Variants in PKNOX2 observed in about 807,000 individuals in gnomAD.
PKNOX2 encodes PBX/knotted 1 homeobox 2.
In PKNOX2, 14 loss-of-function variants were observed where a neutral mutation model predicts 53.1. The observed-to-expected ratio is 0.26, with a 90% CI of 0.17 to 0.41. PKNOX2 has a LOEUF of 0.41. Ranked by LOEUF, PKNOX2 falls within the 10% of genes least tolerant of loss-of-function variation. PKNOX2 has a pLI of 1.00. For missense variants in PKNOX2, 496 were observed against 602.8 expected, an observed-to-expected ratio of 0.82 and a Z score of 1.85; for synonymous variants, 257 against 242.8, an observed-to-expected ratio of 1.06 and a Z score of -0.54.
chr11:125,309,322 C>A (rs953829254), intron 2 of PKNOX2, among the ~76,000 whole-genome samples: 3 of 151,578 alleles, frequency 2.0e-5, no homozygotes, highest in Non-Finnish European at 4.4e-5. Flanking sequence ...TTTTTTCCCA[C>A]ATGACATGCT....
intron 10 of PKNOX2, among the ~76,000 whole-genome samples, chr11:125,416,830 C>T (rs937642162): frequency 6.6e-6 from 1 of 152,016 alleles, no homozygotes; most frequent in African/African-American, 2.4e-5. Context: ...TTCCCTGGGG[C>T]ATAAGTTTGT....
At chr11:125,414,539 G>T (rs1481810046) in intron 10 of PKNOX2, among the ~76,000 whole-genome samples, 1 of 152,158 alleles carries the variant, frequency 6.6e-6, no homozygotes, top group Non-Finnish European at 1.5e-5. Context: ...AGCAGACCCA[G>T]CTGTCCTTGG....
chr11:125,317,801 T>A (rs1204447366), intron 2 of PKNOX2, among the ~76,000 whole-genome samples: 1 of 152,236 alleles, frequency 6.6e-6, no homozygotes, highest in Admixed American at 6.5e-5. Flanking sequence ...AGTCACCAGC[T>A]GCATTGGCCA....
intron 1 of PKNOX2, among the ~76,000 whole-genome samples, chr11:125,177,077 T>C (rs1955765641): frequency 6.6e-6 from 1 of 152,170 alleles, no homozygotes; most frequent in South Asian, 2.1e-4. Flanking sequence ...GGGGTAGAAA[T>C]GACTCAGCCC....
chr11:125,428,922 C>A, intron 10 of PKNOX2, 90 bp from the exon 11 acceptor site: 1 of 1,392,426 alleles, frequency 7.2e-7, no homozygotes, highest in Non-Finnish European at 1.0e-6. Context: ...CTGCCTGGCT[C>A]AGGATAGTGC....
At chr11:125,241,789 A>G (rs919707878) in intron 2 of PKNOX2, among the ~76,000 whole-genome samples, 25 of 152,342 alleles carry the variant, frequency 1.6e-4, no homozygotes, top group Admixed American at 6.5e-4. Flanking sequence ...CAGGAGGTGG[A>G]GGTTGCAGTG....
chr11:125,394,090 T>C (rs557159597), intron 6 of PKNOX2, among the ~76,000 whole-genome samples: 1 of 152,328 alleles, frequency 6.6e-6, no homozygotes, highest in East Asian at 1.9e-4. Context: ...TGGAATGGGC[T>C]TAACACAGTG....
intron 2 of PKNOX2, among the ~76,000 whole-genome samples, chr11:125,310,848 T>C (rs933697616): frequency 6.6e-6 from 1 of 152,204 alleles, no homozygotes; most frequent in African/African-American, 2.4e-5. Context: ...TTGATGATTG[T>C]TGTCCTTGAA....
chr11:125,219,555 A>T (rs969366373), intron 1 of PKNOX2, among the ~76,000 whole-genome samples: 4 of 152,238 alleles, frequency 2.6e-5, no homozygotes. Context: ...CTAAAAATTA[A>T]CAACAACAAA....
chr11:125,243,623 CTTTTTTT>C (rs1284507032), intron 2 of PKNOX2, among the ~76,000 whole-genome samples: 3 of 138,454 alleles, frequency 2.2e-5, no homozygotes, highest in Non-Finnish European at 4.7e-5. Flanking sequence ...CTGGGACTTT[CTTTTTTT>C]TTTTTTTTTT....
chr11:125,254,795 A>G (rs1944287265), intron 2 of PKNOX2, among the ~76,000 whole-genome samples: 1 of 151,496 alleles, frequency 6.6e-6, no homozygotes, highest in Non-Finnish European at 1.5e-5. Context: ...AACATTGATG[A>G]CGGTGTCCAG....
At chr11:125,356,032 C>G (rs532827639) in intron 4 of PKNOX2, among the ~76,000 whole-genome samples, 12 of 144,040 alleles carry the variant, frequency 8.3e-5, no homozygotes, top group Admixed American at 1.4e-4. Context: ...TATCAGCACC[C>G]CCCCCCCCAC....
At chr11:125,297,843 G>A (rs1400809359) in intron 2 of PKNOX2, among the ~76,000 whole-genome samples, 18 of 152,214 alleles carry the variant, frequency 1.2e-4, no homozygotes, top group Admixed American at 1.1e-3. Context: ...GATGAGCCTG[G>A]TGCCCATCTT....
chr11:125,342,373 C>T (rs965147385), intron 3 of PKNOX2, among the ~76,000 whole-genome samples: 1 of 152,138 alleles, frequency 6.6e-6, no homozygotes, highest in African/African-American at 2.4e-5. Context: ...CCACCAGCCC[C>T]TGCTCCGGCC....
intron 10 of PKNOX2, among the ~76,000 whole-genome samples, chr11:125,418,313 G>A (rs1955996483): frequency 1.3e-5 from 2 of 152,062 alleles, no homozygotes; most frequent in Admixed American, 1.3e-4. Flanking sequence ...ATATTCCATG[G>A]TACAGATGTA....
In PKNOX2 at chr11:125,383,092, C is replaced by G. The variant is rs556326531; in HGVS notation, c.228-2459C>G. Among the ~76,000 whole-genome samples, 13 of 152,326 alleles carry G rather than the reference C, an allele frequency of 8.5e-5. 1 individual carries two copies. The highest frequency in any genetic ancestry group is 7.8e-4 in the Admixed American group (12 of 15,300). ...CAGGAATTTCTCTTTTCCTCCCCCA[C>G]CACCCCTGAGTCTGAGTAGAAAGAC... is the stretch of plus-strand genomic sequence containing the variant. On this transcript the variant is annotated intron_variant, in intron 5 of 12. Coordinates refer to ENST00000298282, the MANE Select transcript of PKNOX2 (RefSeq NM_001382323.2).
intron 2 of PKNOX2, among the ~76,000 whole-genome samples, chr11:125,252,957 C>A (rs1375260323): frequency 2.6e-5 from 4 of 152,212 alleles, no homozygotes; most frequent in Non-Finnish European, 4.4e-5. Flanking sequence ...GGCAACACAA[C>A]TCATACCAAG....
At chr11:125,429,703 G>A (rs1033441771) in intron 11 of PKNOX2, among the ~76,000 whole-genome samples, 3 of 152,158 alleles carry the variant, frequency 2.0e-5, no homozygotes, top group African/African-American at 7.2e-5. Flanking sequence ...CTCCTCCTCC[G>A]TTCAACCTGG....
rs1176086811 is a variant in PKNOX2, at chr11:125,431,024, A to G, written c.1193-142A>G. On this transcript the variant is annotated intron_variant, in intron 12 of 12. Coordinates refer to ENST00000298282, the MANE Select transcript of PKNOX2 (RefSeq NM_001382323.2). Reference sequence around the variant, plus strand: ...TGGATGGGAGACTTCATACCAGGGCATTGTCCAGCTCAGGCTTGGACAGCT... The same window carrying G: ...TGGATGGGAGACTTCATACCAGGGCGTTGTCCAGCTCAGGCTTGGACAGCT... The G allele has an allele frequency of 4.9e-6, 7 of 1,415,408 alleles. No homozygotes were observed. In the Admixed American group the frequency reaches 1.6e-4, roughly 33 times the overall value. The allele number at this position is 1,415,408 out of a possible 1,614,324, so 87.7% of individuals were successfully genotyped here.
Sources: allele counts gnomAD v4.1 joint callset (sites outside exome capture counted in the v4.1 genomes callset), GRCh38; gene constraint gnomAD v4.1.1; transcripts MANE v1.5; gene names NCBI Gene and HGNC (gene_info 2026-07-23, HGNC 2026-07-21).